Variants in SEPTIN9 observed in about 807,000 individuals in gnomAD.
SEPTIN9 encodes the protein septin 9.
Under a neutral mutation model 56.6 loss-of-function variants are expected in SEPTIN9, and 13 were observed. The ratio of observed to expected loss-of-function variants is 0.23; its 90% CI spans 0.15 to 0.37. The LOEUF (loss-of-function observed/expected upper bound fraction) is 0.37, where lower values mean the gene tolerates loss of function less well. SEPTIN9 is among the 10% of genes least tolerant of loss of function. The pLI is 1.00. For missense variants in SEPTIN9, 650 were observed against 823.1 expected (o/e 0.79, Z 2.57); for synonymous variants, 332 against 334.1 (o/e 0.99, Z 0.07).
At chr17:77,416,412 C>T (rs1043960713) in intron 3 of SEPTIN9, among the ~76,000 whole-genome samples, 5 of 152,210 alleles carry the variant, frequency 3.3e-5, no homozygotes, top group Admixed American at 6.5e-5. Flanking sequence ...GTGCTGAGCC[C>T]CCGGCCCTCT....
chr17:77,400,175 C>T lies in SEPTIN9; in HGVS notation c.77-1884C>T, dbSNP rs1355923295. The stretch of plus-strand genomic sequence containing the variant: ...ATTTTTAGTAAAGATGGGGTTTCAC[C>T]ACATCAGCCAGGCTGCTCAGTGTTT... On this transcript the variant is annotated intron_variant, in intron 2 of 11. Transcript: ENST00000427177. This position sits in a 1 kb window ranked among gnomAD's most constrained non-coding sequence, Gnocchi z 4.1. 6.6e-6 allele frequency among the ~76,000 whole-genome samples: 1 copy of T among 152,102 alleles called. No individual in the cohort carries two copies. Among genetic ancestry groups the T allele is most frequent in the Non-Finnish European group, 1.5e-5 (1 of 68,012 alleles).
rs2037954053 is a variant in SEPTIN9, at chr17:77,451,234, C to T, written c.722-30910C>T. On this transcript the variant is annotated intron_variant, in intron 3 of 11. Coordinates refer to ENST00000427177, the MANE Select transcript of SEPTIN9 (RefSeq NM_001113491.2). This position sits in a 1 kb window ranked among gnomAD's most constrained non-coding sequence, Gnocchi z 4.2. The stretch of plus-strand genomic sequence containing the variant: ...CCTTTAGCGTGTGGCAGCTCCTTGG[C>T]GTCCCTCCCGTGCCTTCAGGTTGCT... The T allele has an allele frequency of 7.2e-6, 2 of 276,658 alleles. No homozygotes were observed. The highest frequency in any genetic ancestry group is 1.1e-5 in the Non-Finnish European group (2 of 182,044). The allele number at this position is 276,658 out of a possible 1,614,324, so 17.1% of individuals were successfully genotyped here.
At chr17:77,281,904 A>G in intron 1 of SEPTIN9, 1 of 320,878 alleles carries the variant, frequency 3.1e-6, no homozygotes, top group Non-Finnish European at 5.8e-6. Context: ...GGTCGGGGCT[A>G]GGTGGAGGGG....
rs1218224357 is a variant in SEPTIN9 at position 77,323,099 on chromosome 17, C to A, written c.76+15902C>A. On this transcript the variant is annotated intron_variant, in intron 2 of 11. Coordinates refer to ENST00000427177, the MANE Select transcript of SEPTIN9 (RefSeq NM_001113491.2). This position sits in a 1 kb window ranked among gnomAD's most constrained non-coding sequence, Gnocchi z 6.8. ...AGCCCCAGGGAAGGCTTAGGAGCCC[C>A]AAGACCTGCCCTCTTGTCCCTCCCT... 6.6e-6 allele frequency among the ~76,000 whole-genome samples: 1 copy of A among 152,150 alleles called. No homozygotes were observed. The highest frequency in any genetic ancestry group is 1.5e-5 in the Non-Finnish European group (1 of 68,006).
chr17:77,431,964 G>C (rs930435272), intron 3 of SEPTIN9, among the ~76,000 whole-genome samples: 10 of 152,044 alleles, frequency 6.6e-5, no homozygotes, highest in Non-Finnish European at 1.5e-4. Context: ...GGTACTGGAT[G>C]TTCAAAAAAA....
chr17:77,338,590 T>G (rs1276435410), intron 2 of SEPTIN9, among the ~76,000 whole-genome samples: 1 of 152,138 alleles, frequency 6.6e-6, no homozygotes, highest in Non-Finnish European at 1.5e-5. Flanking sequence ...GGCTAATTTT[T>G]GTATTTTTAG....
chr17:77,402,425 G>C lies in SEPTIN9; in HGVS notation c.443G>C (p.Arg148Pro), dbSNP rs755551840. The change falls in exon 3 of 12, where the codon CGG becomes CCG. Residue 148 changes from arginine (R) to proline (P), a missense_variant. By Grantham distance (103) the Arg-to-Pro change is moderately radical. Coordinates refer to ENST00000427177, the MANE Select transcript of SEPTIN9 (RefSeq NM_001113491.2). This position sits in a 1 kb window ranked among gnomAD's most constrained non-coding sequence, Gnocchi z 6.6. ...CACAAGACGCCAGAACCGGCCCCTCGGAGGACGGAGATCACCATCGTCAAA... is the reference window on the plus strand; with the variant it reads ...CACAAGACGCCAGAACCGGCCCCTCCGAGGACGGAGATCACCATCGTCAAA... ...LGHKTPEPAP[R>P]RTEITIVKPQ... is the part of the protein sequence containing the mutation. 1 of 1,610,582 alleles carries C rather than the reference G, an allele frequency of 6.2e-7. No homozygotes were observed. Among genetic ancestry groups the C allele is most frequent in the Admixed American group, 1.7e-5 (1 of 59,700 alleles).
chr17:77,325,496 T>C (rs964570278), intron 2 of SEPTIN9, among the ~76,000 whole-genome samples: 1 of 152,184 alleles, frequency 6.6e-6, no homozygotes, highest in African/African-American at 2.4e-5. Flanking sequence ...GCCCAGGACC[T>C]GGCTGGACGT....
At position 77,482,612 on chromosome 17, in the gene SEPTIN9, T is replaced by C. The variant is rs416438; in HGVS notation, c.913+277T>C. 290,845 of 646,484 alleles carry C rather than the reference T, an allele frequency of 0.45. 70,434 individuals are homozygous for C. Among genetic ancestry groups the C allele is most frequent in the Middle Eastern group, 0.6 (2,258 of 3,784 alleles). 40.0% of individuals were successfully genotyped at this position (646,484 alleles called of 1,614,324 possible). On this transcript the variant is annotated intron_variant, in intron 4 of 11. Transcript: ENST00000427177. ...CCGGCCTGGAGCAGGTCCTGATGAG[T>C]GGTCGCTGCCTCTGAGCAATGACGT...
rs2143611033 is a variant in SEPTIN9 at position 77,310,556 on chromosome 17, C to T, written c.76+3359C>T. On this transcript the variant is annotated intron_variant, in intron 2 of 11. Transcript: ENST00000427177. The surrounding 1 kb of genome is among the most constrained non-coding windows in gnomAD (Gnocchi z 4.7). ...CTGGTGACATCGCCGAAGGTCTTCT[C>T]TGTTACTAGTGCTGCCGGGAACGTG... Among the ~76,000 whole-genome samples, 2 of 151,520 alleles carry T rather than the reference C, an allele frequency of 1.3e-5. No homozygotes were observed. Among genetic ancestry groups the T allele is most frequent in the Middle Eastern group, 3.4e-3 (1 of 294 alleles).
At position 77,318,342 on chromosome 17, in the gene SEPTIN9, G is replaced by A. The variant is rs1056125545; in HGVS notation, c.76+11145G>A. Among the ~76,000 whole-genome samples, 1 of 151,864 alleles carries A rather than the reference G, an allele frequency of 6.6e-6. No homozygotes were observed. Among genetic ancestry groups the A allele is most frequent in the South Asian group, 2.1e-4 (1 of 4,808 alleles). ...CTGTGTCAAATCTCCCTCTGCCCCC[G>A]TCTTGTATGAGCACCGAGACTGCCT... On this transcript the variant is annotated intron_variant, in intron 2 of 11. Transcript: ENST00000427177. This position sits in a 1 kb window ranked among gnomAD's most constrained non-coding sequence, Gnocchi z 4.9.
rs1274662884 is a variant in SEPTIN9 at position 77,449,747 on chromosome 17, A to C, written c.722-32397A>C. Among the ~76,000 whole-genome samples the C allele has an allele frequency of 6.6e-6, 1 of 152,012 alleles. No individual in the cohort carries two copies. The highest frequency in any genetic ancestry group is 1.9e-4 in the East Asian group (1 of 5,162). On this transcript the variant is annotated intron_variant, in intron 3 of 11. Coordinates refer to ENST00000427177, the MANE Select transcript of SEPTIN9 (RefSeq NM_001113491.2). The surrounding 1 kb of genome is among the most constrained non-coding windows in gnomAD (Gnocchi z 4.6). ...TGGGCTGGGCTGCAGACAGTGGAAA[A>C]GACAGGCTCTTCTCACTCCCAGTGC...
chr17:77,395,872 T>C (rs975833796), intron 2 of SEPTIN9, among the ~76,000 whole-genome samples: 3 of 152,260 alleles, frequency 2.0e-5, no homozygotes, highest in Non-Finnish European at 4.4e-5. Flanking sequence ...CCGGACTGTT[T>C]CCAGGTTTTG....
chr17:77,290,886 T>C (rs915261687), intron 1 of SEPTIN9, among the ~76,000 whole-genome samples: 1 of 151,254 alleles, frequency 6.6e-6, no homozygotes, highest in Non-Finnish European at 1.5e-5. Context: ...TTATTATTAT[T>C]AAACAGGGTC....
chr17:77,378,778 G>A (rs973224370), intron 2 of SEPTIN9, among the ~76,000 whole-genome samples: 14 of 152,214 alleles, frequency 9.2e-5, no homozygotes, highest in Admixed American at 1.3e-4. Context: ...GGAGGCTGGC[G>A]TCATGTTGGC....
chr17:77,442,765 T>C (rs1353255343), intron 3 of SEPTIN9, among the ~76,000 whole-genome samples: 1 of 151,698 alleles, frequency 6.6e-6, no homozygotes, highest in East Asian at 2.0e-4. Flanking sequence ...CCCAGCTACT[T>C]GGGAAGCTGA....
intron 3 of SEPTIN9, among the ~76,000 whole-genome samples, chr17:77,438,597 AAGG>A (rs2037437632): frequency 6.6e-6 from 1 of 152,184 alleles, no homozygotes. Flanking sequence ...AGAGGCTTGG[AAGG>A]AGGAAGGAGG....
In SEPTIN9 at chr17:77,465,462, T is replaced by A. The variant is rs532324020; in HGVS notation, c.722-16682T>A. Among the ~76,000 whole-genome samples, 4 of 152,092 alleles carry A rather than the reference T, an allele frequency of 2.6e-5. No individual in the cohort carries two copies. In the South Asian group the frequency reaches 6.2e-4, roughly 24 times the overall value. On this transcript the variant is annotated intron_variant, in intron 3 of 11. Coordinates refer to ENST00000427177, the MANE Select transcript of SEPTIN9 (RefSeq NM_001113491.2). The stretch of plus-strand genomic sequence containing the variant: ...TGCTTGGCCAGCCAGGTGCTGCGAG[T>A]CCGTGTCGCAGCCATTTCTCTGTGC...
At position 77,456,172 on chromosome 17, in the gene SEPTIN9, C is replaced by T. The variant is rs979217233; in HGVS notation, c.722-25972C>T. Among the ~76,000 whole-genome samples, 1 of 130,004 alleles carries T rather than the reference C, an allele frequency of 7.7e-6. No homozygotes were observed. The highest frequency in any genetic ancestry group is 8.2e-5 in the Admixed American group (1 of 12,128). The allele number at this position is 130,004 out of a possible 152,430, so 85.3% of individuals were successfully genotyped here. ...GGCCCCATTGAGTGGGAGGGAGAAT[C>T]GCTGCTGTCTGTAGCTGGGGGGCCG... is the stretch of plus-strand genomic sequence containing the variant. On this transcript the variant is annotated intron_variant, in intron 3 of 11. Transcript: ENST00000427177. The surrounding 1 kb of genome is among the most constrained non-coding windows in gnomAD (Gnocchi z 6.0).
Sources: allele counts gnomAD v4.1 joint callset (sites outside exome capture counted in the v4.1 genomes callset), GRCh38; gene constraint gnomAD v4.1.1; non-coding constraint Gnocchi (gnomAD v3.1); transcripts MANE v1.5; gene names NCBI Gene and HGNC (gene_info 2026-07-23, HGNC 2026-07-21).